COMMD1: variants seen among roughly 807,000 people sequenced by gnomAD.
COMMD1 encodes copper metabolism domain containing 1.
Under a neutral mutation model 17.2 loss-of-function variants are expected in COMMD1, and 10 were observed. The observed-to-expected ratio is 0.58, with a 90% CI of 0.36 to 0.99. The LOEUF is 0.99. Ranked by LOEUF, COMMD1 falls within the 50% of genes least tolerant of loss-of-function variation. The pLI is 0.01. For synonymous variants in COMMD1, 97 were observed against 91.6 expected (o/e 1.06, Z -0.34); for missense variants, 270 against 231.8 (o/e 1.17, Z -1.07).
intron 2 of COMMD1, chr2:62,084,929 G>A (rs1443627355): frequency 6.6e-6 from 1 of 152,106 alleles, no homozygotes; most frequent in Non-Finnish European, 1.5e-5. Flanking sequence ...GAACACAAAA[G>A]AAAAAGGAAT....
chr2:61,889,156 G>A (rs1669349915), intron 1 of COMMD1, among the ~76,000 whole-genome samples: 1 of 146,196 alleles, frequency 6.8e-6, no homozygotes, highest in African/African-American at 2.5e-5. Context: ...ACCCGCCTCG[G>A]GCTCCCAAAG....
chr2:61,909,293 A>C (rs1365576874), intron 1 of COMMD1, among the ~76,000 whole-genome samples: 1 of 152,206 alleles, frequency 6.6e-6, no homozygotes, highest in African/African-American at 2.4e-5. Context: ...GGGAACATAC[A>C]CAAATAAGCA....
intron 1 of COMMD1, among the ~76,000 whole-genome samples, chr2:61,949,090 A>T (rs916322384): frequency 1.3e-5 from 2 of 152,264 alleles, no homozygotes; most frequent in Admixed American, 6.5e-5. Context: ...CCTGGGCAGC[A>T]TAGCAAGACC....
intron 2 of COMMD1, among the ~76,000 whole-genome samples, chr2:62,110,816 A>AAAACAGAT: frequency 6.6e-6 from 1 of 152,306 alleles, no homozygotes; most frequent in Admixed American, 6.5e-5. Context: ...TAACAAGAGA[A>AAAACAGAT]AAACAGATGG....
At chr2:61,921,325 C>T (rs1357240704) in intron 1 of COMMD1, among the ~76,000 whole-genome samples, 2 of 152,028 alleles carry the variant, frequency 1.3e-5, no homozygotes, top group Non-Finnish European at 2.9e-5. Context: ...ACATTTGTAA[C>T]CATTTAAAAT....
rs1388104828 is a variant in COMMD1 at position 61,905,823 on chromosome 2, C to T, written c.145C>T (p.Arg49Cys). 1 of 1,614,212 alleles carries T rather than the reference C, an allele frequency of 6.2e-7. No homozygotes were observed. The highest frequency in any genetic ancestry group is 8.5e-7 in the Non-Finnish European group (1 of 1,180,032). The change falls in exon 1 of 3, where the codon CGC (arginine) becomes TGC (cysteine). Residue 49 changes from arginine (R) to cysteine (C), a missense_variant. Transcript: ENST00000311832. ...LYPEVPPEEF[R>C]PFLAKMRGIL... ...TCCAGAGGTGCCACCCGAGGAGTTC[C>T]GCCCCTTTCTGGCAAAGATGAGGGG...
chr2:62,071,797 G>T (rs1336148998), intron 2 of COMMD1, among the ~76,000 whole-genome samples: 10 of 152,168 alleles, frequency 6.6e-5, no homozygotes, highest in Non-Finnish European at 8.8e-5. Flanking sequence ...TAGGAAGGAA[G>T]GTTGAACACA....
chr2:62,082,863 C>T (rs1371982247), intron 2 of COMMD1, among the ~76,000 whole-genome samples: 1 of 152,158 alleles, frequency 6.6e-6, no homozygotes, highest in East Asian at 1.9e-4. Flanking sequence ...AAAAAATCAA[C>T]AATTAGAAAA....
chr2:62,047,738 C>T (rs1341292438), intron 2 of COMMD1, among the ~76,000 whole-genome samples: 10 of 152,116 alleles, frequency 6.6e-5, no homozygotes, highest in Admixed American at 5.9e-4. Flanking sequence ...CAGGTGTGAG[C>T]CACTTCGCCT....
At chr2:62,016,278 G>A (rs1157300896) in intron 2 of COMMD1, among the ~76,000 whole-genome samples, 12 of 135,032 alleles carry the variant, frequency 8.9e-5, no homozygotes, top group Non-Finnish European at 1.8e-4. Context: ...GCACAATCTC[G>A]GCTCACTGCA....
intron 1 of COMMD1, among the ~76,000 whole-genome samples, chr2:61,897,221 C>G (rs994465086): frequency 1.3e-5 from 2 of 152,154 alleles, no homozygotes; most frequent in South Asian, 4.1e-4. Flanking sequence ...TCTTCCTGGT[C>G]ACTTCTCCAT....
At chr2:61,901,262 A>T (rs566882003), upstream of COMMD1, among the ~76,000 whole-genome samples, 37 of 151,924 alleles carry the variant, frequency 2.4e-4, no homozygotes, top group African/African-American at 5.3e-4. Flanking sequence ...ACATTTTTTT[A>T]AAAAAAGCAA....
chr2:61,895,645 C>A (rs979184646), intron 1 of COMMD1, among the ~76,000 whole-genome samples: 2 of 152,148 alleles, frequency 1.3e-5, no homozygotes, highest in Non-Finnish European at 2.9e-5. Flanking sequence ...ACCCATGCCC[C>A]AGGAAGCAGG....
At chr2:62,133,788 A>G (rs1015721315) in intron 2 of COMMD1, among the ~76,000 whole-genome samples, 2 of 152,072 alleles carry the variant, frequency 1.3e-5, no homozygotes, top group Non-Finnish European at 2.9e-5. Context: ...TTTCATGCCC[A>G]TAAAACTTCC....
At chr2:62,113,648 T>C (rs1282834629) in intron 2 of COMMD1, among the ~76,000 whole-genome samples, 2 of 152,194 alleles carry the variant, frequency 1.3e-5, no homozygotes, top group Non-Finnish European at 2.9e-5. Flanking sequence ...CCTCCCAAAG[T>C]GCTGGGATTA....
At chr2:62,012,908 GT>G (rs1266876615) in intron 2 of COMMD1, among the ~76,000 whole-genome samples, 3 of 152,144 alleles carry the variant, frequency 2.0e-5, no homozygotes, top group African/African-American at 4.8e-5. Context: ...CTTCTCTGAG[GT>G]GAGCTGAGCT....
chr2:61,902,718 T>C (rs1669684301), upstream of COMMD1, among the ~76,000 whole-genome samples: 1 of 152,102 alleles, frequency 6.6e-6, no homozygotes, highest in Non-Finnish European at 1.5e-5. Context: ...TACGGTAGTG[T>C]GTGCTCATAT....
At position 61,895,040 on chromosome 2, in the gene COMMD1, A is replaced by G. The variant is rs563563805; in HGVS notation, n.119+6198A>G. Among the ~76,000 whole-genome samples the G allele has an allele frequency of 1.1e-4, 16 of 152,336 alleles. No individual in the cohort carries two copies. The East Asian group carries it at 2.9e-3, about 28-fold the overall frequency. On this transcript the variant is annotated intron_variant and non_coding_transcript_variant, in intron 1 of 2. Coordinates refer to the COMMD1 transcript ENST00000472729. ...GTACCATGAGGATGCAATCAGTAAAATGTAGAATGTGAAAAACTCTTTAGG... is the reference window on the plus strand; with the variant it reads ...GTACCATGAGGATGCAATCAGTAAAGTGTAGAATGTGAAAAACTCTTTAGG...
chr2:61,930,556 G>A (rs1037515628), intron 1 of COMMD1, among the ~76,000 whole-genome samples: 2 of 150,830 alleles, frequency 1.3e-5, no homozygotes, highest in Admixed American at 6.6e-5. Flanking sequence ...ACTCCGTCTC[G>A]GAAAGAAAAT....
Sources: gnomAD v4.1 joint callset for allele counts (sites outside exome capture counted in the v4.1 genomes callset) on GRCh38, gnomAD v4.1.1 for gene constraint, MANE v1.5 for transcripts, NCBI Gene and HGNC (gene_info 2026-07-23, HGNC 2026-07-21) for gene names.